The following CACNA1C variants were observed in gnomAD, a reference collection of about 807,000 sequenced individuals.
CACNA1C encodes the protein voltage-dependent L-type calcium channel subunit alpha-1C.
A neutral mutation model predicts 229.0 loss-of-function variants in CACNA1C; 30 were observed. The ratio of observed to expected loss-of-function variants is 0.13; its 90% CI spans 0.10 to 0.18. CACNA1C has a LOEUF of 0.18. Among genes scored for constraint, CACNA1C ranks in the 10% least tolerant of loss-of-function variants. CACNA1C has a pLI of 1.00. For missense variants in CACNA1C, 1,658 were observed against 2,845.0 expected, an observed-to-expected ratio of 0.58 and a Z score of 9.49; for synonymous variants, 1,114 against 1,132.5, an observed-to-expected ratio of 0.98 and a Z score of 0.33.
intron 14 of CACNA1C, 84 bp from the exon 15 acceptor site, chr12:2,582,738 G>A: frequency 6.8e-7 from 1 of 1,476,178 alleles, no homozygotes; most frequent in East Asian, 2.3e-5. Flanking sequence ...CAATTTTGTT[G>A]ACGTAGTGGG....
At chr12:2,565,195 G>A (rs61909410) in intron 11 of CACNA1C, among the ~76,000 whole-genome samples, 131 of 152,068 alleles carry the variant, frequency 8.6e-4, no homozygotes, top group Middle Eastern at 3.4e-3. Flanking sequence ...CCGGCCGGGC[G>A]CGGTGGCTCA....
At chr12:2,176,734 C>T (rs1451962359) in intron 3 of CACNA1C, among the ~76,000 whole-genome samples, 4 of 152,166 alleles carry the variant, frequency 2.6e-5, no homozygotes, top group Admixed American at 6.5e-5. Context: ...CCTTCCTCCC[C>T]GAGTCTCTAA....
intron 1 of CACNA1C, among the ~76,000 whole-genome samples, chr12:2,100,992 G>A (rs1341437499): frequency 2.3e-5 from 3 of 129,376 alleles, no homozygotes; most frequent in African/African-American, 6.2e-5. Flanking sequence ...ACAAGGGTGA[G>A]ACCCATCTCA....
In CACNA1C at chr12:2,319,477, C is replaced by G. The variant is rs1216919683; in HGVS notation, c.478-129499C>G. On this transcript the variant is annotated intron_variant, in intron 3 of 46. Coordinates refer to ENST00000399655, the MANE Select transcript of CACNA1C (RefSeq NM_000719.7). This position sits in a 1 kb window ranked among gnomAD's most constrained non-coding sequence, Gnocchi z 4.0. Reference sequence around the variant, plus strand: ...AGACCTCGCTCCCACGCCACAGCCCCAGGCCCCAGGCCCCTGACACCCTGG... The same window carrying G: ...AGACCTCGCTCCCACGCCACAGCCCGAGGCCCCAGGCCCCTGACACCCTGG... Among the ~76,000 whole-genome samples, 3 of 152,138 alleles carry G rather than the reference C, an allele frequency of 2.0e-5. No homozygotes were observed. The highest frequency in any genetic ancestry group is 4.4e-5 in the Non-Finnish European group (3 of 68,010).
intron 3 of CACNA1C, among the ~76,000 whole-genome samples, chr12:2,256,336 G>T (rs2077801383): frequency 6.6e-6 from 1 of 152,192 alleles, no homozygotes; most frequent in South Asian, 2.1e-4. Context: ...TCTTAAAAAT[G>T]ACTTAAACAC....
chr12:2,557,073 A>G, intron 11 of CACNA1C, 96 bp downstream of exon 11: 1 of 941,420 alleles, frequency 1.1e-6, no homozygotes, highest in South Asian at 1.3e-5. Flanking sequence ...ACAAGTTGCC[A>G]GTAGTGTAAG....
intron 3 of CACNA1C, among the ~76,000 whole-genome samples, chr12:2,164,311 C>G (rs1352296994): frequency 6.6e-6 from 1 of 152,218 alleles, no homozygotes; most frequent in Non-Finnish European, 1.5e-5. Context: ...TGACGGTTCA[C>G]TGAATGAGGC....
chr12:2,501,469 G>A (rs1403242568), intron 7 of CACNA1C, among the ~76,000 whole-genome samples: 1 of 152,134 alleles, frequency 6.6e-6, no homozygotes, highest in African/African-American at 2.4e-5. Context: ...ACACAAGTAG[G>A]CGCTCGGTAA....
rs931341165 is a variant in CACNA1C at position 2,433,538 on chromosome 12, T to C, written c.478-15438T>C. Among the ~76,000 whole-genome samples the C allele has an allele frequency of 1.3e-4, 20 of 152,234 alleles. 2 individuals carry two copies. On this transcript the variant is annotated intron_variant, in intron 3 of 46. Coordinates refer to ENST00000399655, the MANE Select transcript of CACNA1C (RefSeq NM_000719.7). ...ATCCATTCACCCACCCATTTATCCATGTACTTCTTTGCTTTCTTCTCACTC... is the reference window on the plus strand; with the variant it reads ...ATCCATTCACCCACCCATTTATCCACGTACTTCTTTGCTTTCTTCTCACTC...
At chr12:2,295,629 G>A (rs1489283295) in intron 3 of CACNA1C, among the ~76,000 whole-genome samples, 2 of 152,194 alleles carry the variant, frequency 1.3e-5, no homozygotes, top group African/African-American at 4.8e-5. Context: ...GAGTGATAAT[G>A]GTTTTTAAGT....
At chr12:2,231,826 G>T (rs2065239666) in intron 3 of CACNA1C, among the ~76,000 whole-genome samples, 2 of 152,098 alleles carry the variant, frequency 1.3e-5, no homozygotes, top group Non-Finnish European at 2.9e-5. Context: ...CGGTAGGCAG[G>T]TTATCACTTA....
intron 3 of CACNA1C, among the ~76,000 whole-genome samples, chr12:2,255,577 G>A (rs2077141401): frequency 6.6e-6 from 1 of 152,226 alleles, no homozygotes. Flanking sequence ...GAGGCAGCCA[G>A]AAGGGGCACT....
chr12:2,360,408 G>A (rs1414973061), intron 3 of CACNA1C, among the ~76,000 whole-genome samples: 1 of 152,086 alleles, frequency 6.6e-6, no homozygotes, highest in Admixed American at 6.5e-5. Context: ...TGGAATGGAC[G>A]CTGGGGCATC....
intron 3 of CACNA1C, among the ~76,000 whole-genome samples, chr12:2,214,777 C>T (rs1391308605): frequency 1.4e-5 from 1 of 71,810 alleles, no homozygotes; most frequent in African/African-American, 8.2e-5. Context: ...AGGCCCAGCA[C>T]TCATTCACAG....
chr12:2,120,566 C>T (rs534050491), intron 3 of CACNA1C, 136 bp downstream of exon 3: 12 of 691,772 alleles, frequency 1.7e-5, no homozygotes, highest in African/African-American at 3.6e-5. Context: ...GCTCACATCC[C>T]GAGTGCTGTT....
At chr12:2,533,448 G>A (rs920932355) in intron 9 of CACNA1C, among the ~76,000 whole-genome samples, 1 of 152,236 alleles carries the variant, frequency 6.6e-6, no homozygotes, top group African/African-American at 2.4e-5. Flanking sequence ...CTCTGAGCGT[G>A]AAGGAGAAAC....
intron 5 of CACNA1C, among the ~76,000 whole-genome samples, chr12:2,464,055 A>G (rs1031118847): frequency 1.2e-4 from 18 of 152,096 alleles, no homozygotes; most frequent in Admixed American, 3.3e-4. Flanking sequence ...TTCATCTCAT[A>G]TGCCTTCTGG....
intron 3 of CACNA1C, among the ~76,000 whole-genome samples, chr12:2,363,286 T>C (rs2238078): frequency 6.6e-6 from 1 of 152,038 alleles, no homozygotes; most frequent in Non-Finnish European, 1.5e-5. Context: ...CCACCTTGTC[T>C]CATCTCATAA....
At chr12:2,124,247 T>A (rs1004095649) in intron 3 of CACNA1C, among the ~76,000 whole-genome samples, 5 of 152,074 alleles carry the variant, frequency 3.3e-5, no homozygotes, top group African/African-American at 1.2e-4. Flanking sequence ...AAAGGTCTTA[T>A]AAAGGGCCAG....
Sources: gnomAD v4.1 joint callset for allele counts (sites outside exome capture counted in the v4.1 genomes callset) on GRCh38, gnomAD v4.1.1 for gene constraint, Gnocchi (gnomAD v3.1) non-coding constraint, MANE v1.5 for transcripts, NCBI Gene and HGNC (gene_info 2026-07-23, HGNC 2026-07-21) for gene names.